The following MRAP2 variants were observed in gnomAD, a reference collection of about 807,000 sequenced individuals.
MRAP2 encodes melanocortin 2 receptor accessory protein 2, also known as melanocortin-2 receptor accessory protein 2.
In MRAP2, 20 loss-of-function variants were observed where a neutral mutation model predicts 17.4. That is an observed-to-expected ratio of 1.15 (90% CI 0.81 to 1.67). The LOEUF is 1.67. Ranked by LOEUF, MRAP2 falls within the 40% of genes most tolerant of loss-of-function variation. MRAP2 has a pLI of 0.00. For missense variants in MRAP2, 238 were observed against 240.0 expected, an observed-to-expected ratio of 0.99 and a Z score of 0.05; for synonymous variants, 96 against 88.4, an observed-to-expected ratio of 1.09 and a Z score of -0.48.
chr6:84,093,821 A>C (rs990332700), downstream of MRAP2, among the ~76,000 whole-genome samples: 1 of 152,200 alleles, frequency 6.6e-6, no homozygotes, highest in African/African-American at 2.4e-5. Context: ...GTTTAAGTCT[A>C]AGTATGCATA....
At chr6:84,065,560 G>A (rs1332527866) in intron 3 of MRAP2, among the ~76,000 whole-genome samples, 1 of 152,120 alleles carries the variant, frequency 6.6e-6, no homozygotes, top group African/African-American at 2.4e-5. Flanking sequence ...AGTGGTCAGG[G>A]AATAATAATA....
rs201774368 is a variant in MRAP2 at position 84,089,812 on chromosome 6, GT to G, written c.*342del. On this transcript the variant is annotated 3_prime_UTR_variant, in exon 4 of 4. Transcript: ENST00000257776. ...TAAACTTTATTAAAACATGAGTTTT[GT>G]TTTTTTTTTTGCTATTTTTTTTAAA... is the stretch of plus-strand genomic sequence containing the variant. 995 of 135,504 alleles carry G rather than the reference GT, an allele frequency of 7.3e-3. No homozygotes were observed. Among genetic ancestry groups the G allele is most frequent in the East Asian group, 0.011 (87 of 7,988 alleles). The allele number at this position is 135,504 out of a possible 1,614,324, so 8.4% of individuals were successfully genotyped here.
chr6:84,053,975 G>A (rs1213087808), intron 1 of MRAP2, among the ~76,000 whole-genome samples: 1 of 152,064 alleles, frequency 6.6e-6, no homozygotes, highest in Non-Finnish European at 1.5e-5. Flanking sequence ...CAGAAGTGGG[G>A]TGGAAGGGTG....
chr6:84,067,364 T>A (rs966932142), intron 3 of MRAP2, among the ~76,000 whole-genome samples: 1 of 152,240 alleles, frequency 6.6e-6, no homozygotes, highest in Non-Finnish European at 1.5e-5. Flanking sequence ...ATCTTTTTTG[T>A]ATAATGACTT....
rs190142543 is a variant in MRAP2 at position 84,046,466 on chromosome 6, C to T, written c.-7-8846C>T. On this transcript the variant is annotated intron_variant, in intron 1 of 3. Coordinates refer to ENST00000257776, the MANE Select transcript of MRAP2 (RefSeq NM_138409.4). ...AAATGAATTGGGCTAATGACAGGTA[C>T]AACAGAAGGTAAAGCTTATAAAAAG... Among the ~76,000 whole-genome samples, 703 of 152,082 alleles carry T rather than the reference C, an allele frequency of 4.6e-3. 5 individuals carry two copies. The highest frequency in any genetic ancestry group is 0.016 in the African/African-American group (666 of 41,470).
intron 1 of MRAP2, among the ~76,000 whole-genome samples, chr6:84,053,942 G>A (rs1233779025): frequency 6.6e-6 from 1 of 152,140 alleles, no homozygotes; most frequent in Non-Finnish European, 1.5e-5. Context: ...GAAAGAAGGG[G>A]TAAGGGAAAG....
At chr6:84,113,241 T>C in the MRAP2 span, among the ~76,000 whole-genome samples, 1 of 152,200 alleles carries the variant, frequency 6.6e-6, no homozygotes, top group African/African-American at 2.4e-5. Flanking sequence ...TTTGTAGGTC[T>C]CTCAGAACTT....
chr6:84,115,385 C>A, the MRAP2 span, among the ~76,000 whole-genome samples: 1 of 152,160 alleles, frequency 6.6e-6, no homozygotes, highest in East Asian at 1.9e-4. Flanking sequence ...GAGAGTGAAA[C>A]CTCCTACTCA....
intron 3 of MRAP2, among the ~76,000 whole-genome samples, chr6:84,073,888 G>GTTT (rs71549596): frequency 1.8e-4 from 25 of 137,854 alleles, no homozygotes; most frequent in African/African-American, 5.9e-4. Flanking sequence ...GTGTGTGTGT[G>GTTT]TTTTTTTTTT....
At chr6:84,054,125 A>G (rs1304540845) in intron 1 of MRAP2, among the ~76,000 whole-genome samples, 1 of 152,188 alleles carries the variant, frequency 6.6e-6, no homozygotes, top group Admixed American at 6.5e-5. Flanking sequence ...GTGACTGCTC[A>G]GTGAATCTTT....
intron 1 of MRAP2, among the ~76,000 whole-genome samples, chr6:84,047,663 T>A (rs1054003413): frequency 3.9e-5 from 6 of 152,202 alleles, no homozygotes; most frequent in African/African-American, 1.4e-4. Flanking sequence ...TATCTCAAAC[T>A]GAAACTCTTT....
chr6:84,128,985 T>G, the MRAP2 span, among the ~76,000 whole-genome samples: 3 of 152,196 alleles, frequency 2.0e-5, no homozygotes, highest in Non-Finnish European at 4.4e-5. Flanking sequence ...AATGATGGTT[T>G]CCAGCTTCAT....
intron 3 of MRAP2, 71 bp downstream of exon 3, chr6:84,063,063 G>C: frequency 1.9e-6 from 3 of 1,600,210 alleles, no homozygotes; most frequent in African/African-American, 1.3e-5. Context: ...CTACTACCCA[G>C]GGCCGGAGGT....
chr6:84,116,993 C>T, the MRAP2 span, among the ~76,000 whole-genome samples: 3 of 151,800 alleles, frequency 2.0e-5, no homozygotes, highest in African/African-American at 7.3e-5. Context: ...TCTTCCCTTC[C>T]CTTTTTTCTT....
the MRAP2 span, among the ~76,000 whole-genome samples, chr6:84,141,726 A>G: frequency 6.6e-6 from 1 of 152,174 alleles, no homozygotes; most frequent in African/African-American, 2.4e-5. Context: ...GATAAACAGA[A>G]CACTGTCTCA....
chr6:84,099,073 A>G, the MRAP2 span, among the ~76,000 whole-genome samples: 14 of 151,458 alleles, frequency 9.2e-5, no homozygotes, highest in East Asian at 1.9e-4. Context: ...TAGAAGTTCT[A>G]TAGTTTCAGA....
chr6:84,049,755 T>C (rs929972175), intron 1 of MRAP2, among the ~76,000 whole-genome samples: 2 of 152,178 alleles, frequency 1.3e-5, no homozygotes, highest in Non-Finnish European at 2.9e-5. Flanking sequence ...TGGTTAGCTG[T>C]CTTGCTGCTG....
chr6:84,105,530 C>T, the MRAP2 span, among the ~76,000 whole-genome samples: 1 of 152,140 alleles, frequency 6.6e-6, no homozygotes, highest in Admixed American at 6.5e-5. Flanking sequence ...CACTTACCTC[C>T]CACTGGGTCC....
At position 84,089,494 on chromosome 6, in the gene MRAP2, G is replaced by A. The variant is rs771521272; in HGVS notation, c.*13G>A. On this transcript the variant is annotated 3_prime_UTR_variant, in exon 4 of 4. Transcript: ENST00000257776. ...AGACCTGGATTGAGAAACATGCTCT[G>A]TAAAGGGTCTTCCTGAAGATGTGGA... 1.6e-5 allele frequency: 26 copies of A among 1,600,004 alleles called. No individual in the cohort carries two copies. The highest frequency in any genetic ancestry group is 2.1e-5 in the Non-Finnish European group (25 of 1,172,192).
Sources: gnomAD v4.1 joint callset for allele counts (sites outside exome capture counted in the v4.1 genomes callset) on GRCh38, gnomAD v4.1.1 for gene constraint, MANE v1.5 for transcripts, NCBI Gene and HGNC (gene_info 2026-07-23, HGNC 2026-07-21) for gene names.